KCNS3: variants seen among roughly 807,000 people sequenced by gnomAD.
The protein encoded by KCNS3 is potassium voltage-gated channel modifier subfamily S member 3.
Under a neutral mutation model 31.0 loss-of-function variants are expected in KCNS3, and 13 were observed. That is an observed-to-expected ratio of 0.42 (90% CI 0.27 to 0.67). The LOEUF is 0.67. Among genes scored for constraint, KCNS3 ranks in the 30% least tolerant of loss-of-function variants. KCNS3 has a pLI of 0.25. For missense variants in KCNS3, 545 were observed against 622.4 expected (o/e 0.88, Z 1.32); for synonymous variants, 238 against 241.5 (o/e 0.99, Z 0.13).
At chr2:17,888,651 A>G (rs1392235861) in intron 1 of KCNS3, among the ~76,000 whole-genome samples, 4 of 133,512 alleles carry the variant, frequency 3.0e-5, no homozygotes, top group South Asian at 2.3e-4. Context: ...ATATATATAT[A>G]TATATATATA....
chr2:17,921,924 T>A (rs1662721929), intron 2 of KCNS3, among the ~76,000 whole-genome samples: 1 of 57,730 alleles, frequency 1.7e-5, no homozygotes, highest in Non-Finnish European at 3.1e-5. Context: ...TGTATATATA[T>A]ATATATATAT....
chr2:17,930,891 A>T (rs1572506166), intron 2 of KCNS3, 59 bp from the exon 3 acceptor site: 2 of 1,213,940 alleles, frequency 1.6e-6, no homozygotes, highest in Non-Finnish European at 2.3e-6. Flanking sequence ...GCAGATTAAA[A>T]ATAAGCTTGG....
At chr2:17,891,381 G>C (rs1661853433) in intron 1 of KCNS3, among the ~76,000 whole-genome samples, 1 of 152,182 alleles carries the variant, frequency 6.6e-6, no homozygotes. Context: ...CTTTTAAGTG[G>C]AGCATTTAGG....
intron 1 of KCNS3, among the ~76,000 whole-genome samples, chr2:17,913,140 T>TGCA (rs879686024): frequency 0.92 from 139,169 of 151,902 alleles, 63,935 homozygotes; most frequent in East Asian, 0.99. Context: ...TTTATTTAAT[T>TGCA]AAACACTGGG....
intron 1 of KCNS3, among the ~76,000 whole-genome samples, chr2:17,912,082 C>T (rs563666226): frequency 2.6e-5 from 4 of 152,294 alleles, no homozygotes; most frequent in South Asian, 4.1e-4. Context: ...TATTGATGGA[C>T]GTGCAGGCTG....
At position 17,932,443 on chromosome 2, in the gene KCNS3, A is replaced by G. The variant is rs142534840; in HGVS notation, c.1435A>G (p.Ile479Val). 1.9e-6 allele frequency: 3 copies of G among 1,613,678 alleles called. No homozygotes were observed. The African/African-American group carries it at 4.0e-5, about 22-fold the overall frequency. The change falls in exon 3 of 3, where the codon ATT (isoleucine) becomes GTT (valine). Residue 479 changes from isoleucine (I) to valine (V), a missense_variant. Ile to Val is a conservative substitution (Grantham distance 29). Transcript: ENST00000304101. ...DASSIEDNED[I>V]CNTTSLENCT... Reference sequence around the variant, plus strand: ...TTCAAGCATTGAAGACAATGAGGACATTTGTAACACCACCTCCTTGGAGAA... The same window carrying G: ...TTCAAGCATTGAAGACAATGAGGACGTTTGTAACACCACCTCCTTGGAGAA...
At chr2:17,919,103 G>C (rs1288836695) in intron 2 of KCNS3, among the ~76,000 whole-genome samples, 1 of 152,210 alleles carries the variant, frequency 6.6e-6, no homozygotes, top group Non-Finnish European at 1.5e-5. Flanking sequence ...TGGTTGTTTG[G>C]CTCACTAAAT....
At chr2:17,921,344 A>G (rs1335464457) in intron 2 of KCNS3, among the ~76,000 whole-genome samples, 1 of 152,190 alleles carries the variant, frequency 6.6e-6, no homozygotes, top group Non-Finnish European at 1.5e-5. Context: ...TTATTATGAA[A>G]TCAATCCCCA....
chr2:17,921,915 GTATATATATATATATATATATATATA>G (rs56064218), intron 2 of KCNS3, among the ~76,000 whole-genome samples: 6 of 32,810 alleles, frequency 1.8e-4, no homozygotes, highest in Non-Finnish European at 3.3e-4. Flanking sequence ...GTGTGTGTGT[GTATATATATATATATATATATATATA>G]TATATATATA....
At chr2:17,884,183 C>A (rs867300224) in intron 1 of KCNS3, among the ~76,000 whole-genome samples, 10 of 144,442 alleles carry the variant, frequency 6.9e-5, no homozygotes, top group Non-Finnish European at 1.5e-4. Flanking sequence ...TGCAGCACAC[C>A]AACATGGCAC....
chr2:17,917,500 G>A (rs1307810116), intron 1 of KCNS3, among the ~76,000 whole-genome samples, 180 bp from the exon 2 acceptor site: 1 of 152,134 alleles, frequency 6.6e-6, no homozygotes, highest in Non-Finnish European at 1.5e-5. Flanking sequence ...CCTAGCACAT[G>A]TCCAATGGCA....
At position 17,909,300 on chromosome 2, in the gene KCNS3, G is replaced by A. The variant is rs537820691; in HGVS notation, c.-251-8380G>A. On this transcript the variant is annotated intron_variant, in intron 1 of 2. Transcript: ENST00000304101. ...TCCTGGTGTGCTGTTTGCTAAGACC[G>A]TTGGAAAAGTGCGGTATTAGGGTGG... Among the ~76,000 whole-genome samples the A allele has an allele frequency of 7.9e-4, 121 of 152,260 alleles. 1 individual carries two copies. The highest frequency in any genetic ancestry group is 4.1e-4 in the South Asian group (2 of 4,832).
At chr2:17,906,963 T>C (rs1662334027) in intron 1 of KCNS3, among the ~76,000 whole-genome samples, 1 of 152,192 alleles carries the variant, frequency 6.6e-6, no homozygotes, top group South Asian at 2.1e-4. Context: ...GTGCTGTAGA[T>C]GTCTATTGGG....
In KCNS3 at chr2:17,932,183, T is replaced by A. The variant is rs1663011483; in HGVS notation, c.1175T>A (p.Ile392Asn). ...AAGCTCATCGCCAGCACATGCATCA[T>A]CTGTGGCATCTTGGTGGTGGCCCTT... The part of the protein sequence containing the change: ...AGKLIASTCI[I>N]CGILVVALPI... Residue 392 changes from isoleucine to asparagine, a missense_variant, in exon 3 of 3, where the codon ATC becomes AAC. Physicochemically the swap from Ile to Asn is moderately radical, Grantham distance 149 (BLOSUM62 -3). Coordinates refer to ENST00000304101, the MANE Select transcript of KCNS3 (RefSeq NM_002252.5). 6.2e-7 allele frequency: 1 copy of A among 1,613,984 alleles called. No individual in the cohort carries two copies. The highest frequency in any genetic ancestry group is 8.5e-7 in the Non-Finnish European group (1 of 1,179,946).
intron 1 of KCNS3, among the ~76,000 whole-genome samples, chr2:17,895,717 G>A (rs1662009948): frequency 6.6e-6 from 1 of 152,192 alleles, no homozygotes; most frequent in Admixed American, 6.5e-5. Context: ...ATGAGGGAAG[G>A]AAGGGAGTAC....
intron 1 of KCNS3, among the ~76,000 whole-genome samples, chr2:17,909,570 G>A (rs60270949): frequency 0.032 from 4,928 of 152,158 alleles, 93 homozygotes; most frequent in African/African-American, 0.045. Context: ...GCTGTAGACC[G>A]GAGCTGTTCC....
intron 1 of KCNS3, among the ~76,000 whole-genome samples, chr2:17,915,462 A>G (rs183819546): frequency 1.2e-4 from 18 of 152,222 alleles, no homozygotes; most frequent in South Asian, 4.2e-4. Flanking sequence ...ACTCCCCCCA[A>G]TCCCTGCTTG....
intron 2 of KCNS3, among the ~76,000 whole-genome samples, chr2:17,921,913 GTGTATATATATATATA>G (rs1187438053): frequency 2.1e-3 from 71 of 34,120 alleles, no homozygotes; most frequent in African/African-American, 5.4e-3. Flanking sequence ...GTGTGTGTGT[GTGTATATATATATATA>G]TATATATATA....
rs759983951 is a variant in KCNS3 at position 17,931,450 on chromosome 2, G to C, written c.442G>C (p.Glu148Gln). The C allele has an allele frequency of 6.2e-7, 1 of 1,614,184 alleles. No individual in the cohort carries two copies. The highest frequency in any genetic ancestry group is 2.2e-5 in the East Asian group (1 of 44,874). ...HDVSTDSSFE[E>Q]SSLFEKELEK... is the part of the protein sequence containing the mutation. ...TGTGAGTACCGACTCCTCGTTTGAA[G>C]AGTCGTCTCTGTTTGAGAAAGAGCT... The change falls in exon 3 of 3, where the codon GAG becomes CAG. Residue 148 changes from glutamate (E) to glutamine (Q), a missense_variant. Transcript: ENST00000304101. This position sits in a 1 kb window ranked among gnomAD's most constrained non-coding sequence, Gnocchi z 5.4.
Sources: allele counts gnomAD v4.1 joint callset (sites outside exome capture counted in the v4.1 genomes callset), GRCh38; gene constraint gnomAD v4.1.1; non-coding constraint Gnocchi (gnomAD v3.1); transcripts MANE v1.5; gene names NCBI Gene and HGNC (gene_info 2026-07-23, HGNC 2026-07-21).